ZMYND15: variants seen among roughly 807,000 people sequenced by gnomAD.
ZMYND15 encodes zinc finger MYND-type containing 15, also known as zinc finger MYND domain-containing protein 15.
In ZMYND15, 54 loss-of-function variants were observed where a neutral mutation model predicts 81.7. The ratio of observed to expected loss-of-function variants is 0.66; its 90% CI spans 0.53 to 0.83. The LOEUF (loss-of-function observed/expected upper bound fraction) is 0.83, where lower values mean the gene tolerates loss of function less well. Ranked by LOEUF, ZMYND15 falls within the 40% of genes least tolerant of loss-of-function variation. ZMYND15 has a pLI of 0.00. For missense variants in ZMYND15, 925 were observed against 973.5 expected (o/e 0.95, Z 0.66); for synonymous variants, 399 against 387.0 (o/e 1.03, Z -0.36).
At position 4,740,927 on chromosome 17, in the gene ZMYND15, AAGAG is replaced by A; in HGVS notation, c.384_387del (p.Glu129ThrfsTer18). The A allele has an allele frequency of 6.3e-7, 1 of 1,582,180 alleles. No individual in the cohort carries two copies. The highest frequency in any genetic ancestry group is 8.6e-7 in the Non-Finnish European group (1 of 1,162,156). ...AGAGGAGGAAGATGAAGAAGAAGAG[AAGAG>A]AGAGGACGGGGGTGCAGGCAGCACA... is the stretch of plus-strand genomic sequence containing the variant. On this transcript the variant is annotated frameshift_variant, in exon 2 of 14. Transcript: ENST00000433935. LOFTEE classifies it high-confidence loss of function.
rs11655692 is a variant in ZMYND15 at position 4,740,499 on chromosome 17, A to G, written c.-30-20A>G. ...TCATTGCTCTCCTGTCCCTCACCAT[A>G]TATCCCTTCTTTTGCTCAGTCTGGG... On this transcript the variant is annotated intron_variant, in intron 1 of 13. Coordinates refer to ENST00000433935, the MANE Select transcript of ZMYND15 (RefSeq NM_001136046.3). The G allele has an allele frequency of 0.028, 42,201 of 1,527,304 alleles. 679 individuals carry two copies. Among genetic ancestry groups the G allele is most frequent in the Non-Finnish European group, 0.033 (37,411 of 1,134,984 alleles). The allele number at this position is 1,527,304 out of a possible 1,614,324, so 94.6% of individuals were successfully genotyped here.
At chr17:4,742,665 G>T (rs890788534) in intron 5 of ZMYND15, among the ~76,000 whole-genome samples, 174 bp downstream of exon 5, 1 of 152,178 alleles carries the variant, frequency 6.6e-6, no homozygotes, top group Non-Finnish European at 1.5e-5. Flanking sequence ...CAGGGTCTCT[G>T]AAGCCGAGGC....
chr17:4,740,802 C>A lies in ZMYND15; in HGVS notation c.254C>A (p.Thr85Asn). 1 of 1,588,138 alleles carries A rather than the reference C, an allele frequency of 6.3e-7. No individual in the cohort carries two copies. Among genetic ancestry groups the A allele is most frequent in the Non-Finnish European group, 8.6e-7 (1 of 1,163,324 alleles). Residue 85 changes from threonine to asparagine, a missense_variant, in exon 2 of 14, where the codon ACT becomes AAT. Physicochemically the swap from Thr to Asn is moderately conservative, Grantham distance 65. Coordinates refer to ENST00000433935, the MANE Select transcript of ZMYND15 (RefSeq NM_001136046.3). ...CCAGGTCCTGGACCAGGCCTGGGGA[C>A]TGCCTGGCTCCTGGGAGACAACCCT... Reference protein sequence around the residue: ...AEPGPGPGLGTAWLLGDNPPL... With the variant: ...AEPGPGPGLGNAWLLGDNPPL...
Position 4,744,319 on chromosome 17 carries a change from G to T in ZMYND15, c.1584+41G>T, listed in dbSNP as rs369223235. 63 of 1,613,876 alleles carry T rather than the reference G, an allele frequency of 3.9e-5. No homozygotes were observed. In the African/African-American group the frequency reaches 7.9e-4, roughly 20 times the overall value. The stretch of plus-strand genomic sequence containing the variant: ...CCTGAAGGTTGGGCATTTTGGTATG[G>T]GGGTGGGCACAGGGTAGACCCCAGA... On this transcript the variant is annotated intron_variant, in intron 9 of 13. Coordinates refer to ENST00000433935, the MANE Select transcript of ZMYND15 (RefSeq NM_001136046.3). This position sits in a 1 kb window ranked among gnomAD's most constrained non-coding sequence, Gnocchi z 4.1.
rs763018823 is a variant in ZMYND15, at chr17:4,741,917, A to T, written c.830A>T (p.Glu277Val). 2 of 1,613,966 alleles carry T rather than the reference A, an allele frequency of 1.2e-6. No individual in the cohort carries two copies. The highest frequency in any genetic ancestry group is 1.7e-6 in the Non-Finnish European group (2 of 1,179,926). Reference sequence around the variant, plus strand: ...ATCTCCCCCCCAACTGCATTTAGAGAGCTGGAGAGCTTGGTCCCAAGGCTA... The same window carrying T: ...ATCTCCCCCCCAACTGCATTTAGAGTGCTGGAGAGCTTGGTCCCAAGGCTA... ...LTVGDARLHRELESLVPRLGV... is the reference protein window; with the variant it reads ...LTVGDARLHRVLESLVPRLGV... The change falls in exon 4 of 14, where the codon GAG (glutamate) becomes GTG (valine). Residue 277 changes from glutamate (E) to valine (V), a missense_variant and splice_region_variant. Physicochemically the swap from Glu to Val is moderately radical, Grantham distance 121. Transcript: ENST00000433935.
intron 1 of ZMYND15, 93 bp downstream of exon 1, chr17:4,740,143 C>G: frequency 1.1e-6 from 1 of 912,366 alleles, no homozygotes; most frequent in Non-Finnish European, 1.3e-6. Flanking sequence ...CGCTCCCACT[C>G]CCATACCCCA....
Position 4,745,300 on chromosome 17 carries a change from G to T in ZMYND15, c.1982G>T (p.Gly661Val). 1 of 1,613,768 alleles carries T rather than the reference G, an allele frequency of 6.2e-7. No individual in the cohort carries two copies. Among genetic ancestry groups the T allele is most frequent in the African/African-American group, 1.3e-5 (1 of 74,972 alleles). The change falls in exon 13 of 14, where the codon GGG becomes GTG. Residue 661 changes from glycine (G) to valine (V), a missense_variant. Transcript: ENST00000433935. This position sits in a 1 kb window ranked among gnomAD's most constrained non-coding sequence, Gnocchi z 5.2. Reference protein sequence around the residue: ...DGQTMAVATGGGTSPPQPNPF... With the variant: ...DGQTMAVATGVGTSPPQPNPF... ...CAGACCATGGCGGTGGCCACTGGAG[G>T]GGGCACCAGCCCTCCCCAGCCCAAC... is the stretch of plus-strand genomic sequence containing the variant.
At chr17:4,741,229 C>A in intron 2 of ZMYND15, 89 bp downstream of exon 2, 2 of 1,345,740 alleles carry the variant, frequency 1.5e-6, no homozygotes, top group Non-Finnish European at 1.9e-6. Flanking sequence ...TGAGTGCTGG[C>A]CTTCAGGCCA....
chr17:4,745,234 T>A lies in ZMYND15; in HGVS notation c.1916T>A (p.Phe639Tyr). 1.5e-5 allele frequency: 24 copies of A among 1,613,874 alleles called. No homozygotes were observed. Among genetic ancestry groups the A allele is most frequent in the Non-Finnish European group, 1.9e-5 (23 of 1,179,940 alleles). ...CCCCAGTCCCTCCGAGTGCCAGCCT[T>A]CTTCACCGAGAGCAGCGAGTACAGC... is the stretch of plus-strand genomic sequence containing the variant. The part of the protein sequence containing the change: ...PRLQSLRVPA[F>Y]FTESSEYSCV... Residue 639 changes from phenylalanine to tyrosine, a missense_variant, in exon 13 of 14, where the codon TTC (phenylalanine) becomes TAC (tyrosine). By Grantham distance (22) the Phe-to-Tyr change is conservative. Coordinates refer to ENST00000433935, the MANE Select transcript of ZMYND15 (RefSeq NM_001136046.3). The surrounding 1 kb of genome is among the most constrained non-coding windows in gnomAD (Gnocchi z 5.2).
At chr17:4,742,558 G>A in intron 5 of ZMYND15, 67 bp downstream of exon 5, 1 of 1,580,492 alleles carries the variant, frequency 6.3e-7, no homozygotes, top group South Asian at 1.2e-5. Context: ...GGAATTAGAT[G>A]TCTGGGAACA....
In ZMYND15 at chr17:4,741,443, G is replaced by A. The variant is rs185086157; in HGVS notation, c.593-139G>A. The A allele has an allele frequency of 4.6e-5, 43 of 936,322 alleles. 2 individuals carry two copies. Among genetic ancestry groups the A allele is most frequent in the South Asian group, 3.7e-4 (24 of 64,196 alleles). The allele number at this position is 936,322 out of a possible 1,614,324, so 58.0% of individuals were successfully genotyped here. Reference sequence around the variant, plus strand: ...AGCAGCTGTCCCCTTTAGAAGGAGCGTGCCCTCTCTACCCAGAGCCCTTTA... The same window carrying A: ...AGCAGCTGTCCCCTTTAGAAGGAGCATGCCCTCTCTACCCAGAGCCCTTTA... On this transcript the variant is annotated intron_variant, in intron 2 of 13. Coordinates refer to ENST00000433935, the MANE Select transcript of ZMYND15 (RefSeq NM_001136046.3).
rs777583359 is a variant in ZMYND15 at position 4,745,786 on chromosome 17, C to T, written c.2058-33C>T. The T allele has an allele frequency of 9.0e-6, 14 of 1,561,968 alleles. 1 individual carries two copies. The Admixed American group carries it at 1.2e-4, about 13-fold the overall frequency. On this transcript the variant is annotated intron_variant, in intron 13 of 13. Coordinates refer to ENST00000433935, the MANE Select transcript of ZMYND15 (RefSeq NM_001136046.3). This position sits in a 1 kb window ranked among gnomAD's most constrained non-coding sequence, Gnocchi z 5.2. Reference sequence around the variant, plus strand: ...GCGCCGACCCCTGGGAGTCCCGCCCCGTGGTCCCTGACTGCGCCCCGCGCC... The same window carrying T: ...GCGCCGACCCCTGGGAGTCCCGCCCTGTGGTCCCTGACTGCGCCCCGCGCC...
chr17:4,743,662 T>C lies in ZMYND15; in HGVS notation c.1298-105T>C, dbSNP rs1916534398. 2 of 1,322,438 alleles carry C rather than the reference T, an allele frequency of 1.5e-6. No homozygotes were observed. Among genetic ancestry groups the C allele is most frequent in the African/African-American group, 1.5e-5 (1 of 67,690 alleles). 81.9% of individuals were successfully genotyped at this position (1,322,438 alleles called of 1,614,324 possible). ...ATCCCTATGCAAACCCCCATTCCTCTTACTGCGGCTGTCTCAGGGAATACA... is the reference window on the plus strand; with the variant it reads ...ATCCCTATGCAAACCCCCATTCCTCCTACTGCGGCTGTCTCAGGGAATACA... On this transcript the variant is annotated intron_variant, in intron 6 of 13. Coordinates refer to ENST00000433935, the MANE Select transcript of ZMYND15 (RefSeq NM_001136046.3). This position sits in a 1 kb window ranked among gnomAD's most constrained non-coding sequence, Gnocchi z 4.3.
In ZMYND15 at chr17:4,744,549, TCCC is replaced by T; in HGVS notation, c.1684-74_1684-72del. 1 of 1,601,948 alleles carries T rather than the reference TCCC, an allele frequency of 6.2e-7. No individual in the cohort carries two copies. The highest frequency in any genetic ancestry group is 1.1e-5 in the South Asian group (1 of 90,042). ...TGGGTCCTGCCCTTCTGCCCCCCAC[TCCC>T]CATCTTGCCTGGTGCATCCTCCAGT... On this transcript the variant is annotated intron_variant, in intron 10 of 13. Coordinates refer to ENST00000433935, the MANE Select transcript of ZMYND15 (RefSeq NM_001136046.3). The surrounding 1 kb of genome is among the most constrained non-coding windows in gnomAD (Gnocchi z 4.1).
chr17:4,740,290 C>T (rs970529190), intron 1 of ZMYND15: 1 of 736,810 alleles, frequency 1.4e-6, no homozygotes, highest in African/African-American at 1.8e-5. Flanking sequence ...ACCATCTCAT[C>T]CCTGAGTAGT....
chr17:4,742,103 C>A, intron 4 of ZMYND15, 33 bp downstream of exon 4: 2 of 1,610,778 alleles, frequency 1.2e-6, no homozygotes, highest in Non-Finnish European at 1.7e-6. Flanking sequence ...GAGAGGAAGA[C>A]CCCAATAGGC....
In ZMYND15 at chr17:4,741,010, C is replaced by T; in HGVS notation, c.462C>T (p.Ser154=). 2 of 1,554,744 alleles carry T rather than the reference C, an allele frequency of 1.3e-6. No individual in the cohort carries two copies. Among genetic ancestry groups the T allele is most frequent in the South Asian group, 1.2e-5 (1 of 84,362 alleles). Residue 154 remains serine, a synonymous_variant, in exon 2 of 14, where the codon TCC becomes TCT. Transcript: ENST00000433935. ...DRELAPTSRE[S]PQETNPPGES... ...AGCTAGCCCCTACCAGCAGGGAGTC[C>T]CCCCAGGAAACAAACCCTCCAGGAG... is the stretch of plus-strand genomic sequence containing the variant.
In ZMYND15 at chr17:4,743,157, T is replaced by C. The variant is rs1916500432; in HGVS notation, c.1145-146T>C. Reference sequence around the variant, plus strand: ...GGGAGACTGAGGTGGGAGAATCGTTTGAGTCCAAGAGGTCGAGGCTGTAGT... The same window carrying C: ...GGGAGACTGAGGTGGGAGAATCGTTCGAGTCCAAGAGGTCGAGGCTGTAGT... On this transcript the variant is annotated intron_variant, in intron 5 of 13. Transcript: ENST00000433935. This position sits in a 1 kb window ranked among gnomAD's most constrained non-coding sequence, Gnocchi z 4.3. 3 of 938,874 alleles carry C rather than the reference T, an allele frequency of 3.2e-6. No homozygotes were observed. Among genetic ancestry groups the C allele is most frequent in the Non-Finnish European group, 3.2e-6 (2 of 631,776 alleles). 58.2% of individuals were successfully genotyped at this position (938,874 alleles called of 1,614,324 possible).
Position 4,744,735 on chromosome 17 carries a change from G to T in ZMYND15, c.1794G>T (p.Arg598Ser). The change falls in exon 11 of 14, where the codon AGG becomes AGT. Residue 598 changes from arginine to serine, a missense_variant. Arg to Ser is a moderately radical substitution (Grantham distance 110). Coordinates refer to ENST00000433935, the MANE Select transcript of ZMYND15 (RefSeq NM_001136046.3). This position sits in a 1 kb window ranked among gnomAD's most constrained non-coding sequence, Gnocchi z 4.1. Reference protein sequence around the residue: ...RRDLQIKVSARPYHLFQGPKP... With the variant: ...RRDLQIKVSASPYHLFQGPKP... ...ACCTGCAGATCAAGGTGTCAGCAAGGCCCTACCACCTGTTCCAGGGGCCCA... is the reference window on the plus strand; with the variant it reads ...ACCTGCAGATCAAGGTGTCAGCAAGTCCCTACCACCTGTTCCAGGGGCCCA... 6.2e-7 allele frequency: 1 copy of T among 1,614,164 alleles called. No individual in the cohort carries two copies. The highest frequency in any genetic ancestry group is 8.5e-7 in the Non-Finnish European group (1 of 1,180,016).
Sources: allele counts gnomAD v4.1 joint callset (sites outside exome capture counted in the v4.1 genomes callset), GRCh38; gene constraint gnomAD v4.1.1; non-coding constraint Gnocchi (gnomAD v3.1); transcripts MANE v1.5; gene names NCBI Gene and HGNC (gene_info 2026-07-23, HGNC 2026-07-21).